Variants in SGSM1 observed in about 807,000 individuals in gnomAD.
SGSM1 encodes the protein RUN and TBC1 domain containing 2.
Under a neutral mutation model 133.8 loss-of-function variants are expected in SGSM1, and 73 were observed. That is an observed-to-expected ratio of 0.55 (90% confidence interval 0.45 to 0.66). SGSM1 has a LOEUF of 0.66. SGSM1 is among the 30% of genes least tolerant of loss of function. The pLI is 0.00. For synonymous variants in SGSM1, 563 were observed against 573.0 expected, an observed-to-expected ratio of 0.98 and a Z score of 0.25; for missense variants, 1,213 against 1,448.1, an observed-to-expected ratio of 0.84 and a Z score of 2.64.
intron 2 of SGSM1, among the ~76,000 whole-genome samples, chr22:24,842,588 A>G (rs148873367): frequency 5.9e-5 from 9 of 152,296 alleles, no homozygotes; most frequent in African/African-American, 1.9e-4. Flanking sequence ...GAAACACAGA[A>G]TGGTTGCCCT....
At position 24,927,184 on chromosome 22, in the gene SGSM1, CAG is replaced by C; in HGVS notation, c.*2912_*2913del. On this transcript the variant is annotated 3_prime_UTR_variant, in exon 25 of 25. Coordinates refer to ENST00000400358, the MANE Select transcript of SGSM1 (RefSeq NM_001098497.3). ...CATGTGTCTGTGGTCAGCTGATGTCCAGATAGGCAACTCTGCTTCTGATGGTT... is the reference window on the plus strand; with the variant it reads ...CATGTGTCTGTGGTCAGCTGATGTCCATAGGCAACTCTGCTTCTGATGGTT... The C allele has an allele frequency of 6.6e-6, 1 of 152,254 alleles. No individual in the cohort carries two copies. The highest frequency in any genetic ancestry group is 1.5e-5 in the Non-Finnish European group (1 of 68,022). The allele number at this position is 152,254 out of a possible 1,614,324, so 9.4% of individuals were successfully genotyped here.
intron 3 of SGSM1, 130 bp downstream of exon 3, chr22:24,845,102 G>C (rs1930022717): frequency 1.2e-6 from 1 of 801,030 alleles, no homozygotes; most frequent in African/African-American, 1.7e-5. Context: ...CTCGATTGGA[G>C]AATTTGAAAA....
rs190866830 is a variant in SGSM1 at position 24,914,627 on chromosome 22, T to C, written c.2928+1875T>C. The stretch of plus-strand genomic sequence containing the variant: ...TGCATTTTTAAAAATTCTTTTACAA[T>C]ATATGCATATATTCCTAAACAGCAT... On this transcript the variant is annotated intron_variant, in intron 22 of 24. Coordinates refer to ENST00000400358, the MANE Select transcript of SGSM1 (RefSeq NM_001098497.3). Among the ~76,000 whole-genome samples, 12 of 152,328 alleles carry C rather than the reference T, an allele frequency of 7.9e-5. No individual in the cohort carries two copies. In the East Asian group the frequency reaches 2.3e-3, roughly 29 times the overall value.
At chr22:24,887,106 T>TG (rs1601956506) in intron 16 of SGSM1, among the ~76,000 whole-genome samples, 11 of 134,108 alleles carry the variant, frequency 8.2e-5, no homozygotes, top group South Asian at 5.1e-4. Context: ...CTTGTACTTA[T>TG]TTGTGTGTGT....
rs1368173071 is a variant in SGSM1, at chr22:24,925,890, G to A, written c.*1616G>A. 1.3e-5 allele frequency: 2 copies of A among 152,212 alleles called. No individual in the cohort carries two copies. The highest frequency in any genetic ancestry group is 1.9e-4 in the East Asian group (1 of 5,182). The allele number at this position is 152,212 out of a possible 1,614,324, so 9.4% of individuals were successfully genotyped here. ...TCACCAATCCACAAACAGACCCGAA[G>A]TGAACTAGTTTACTCTGCCTACCTG... is the stretch of plus-strand genomic sequence containing the variant. On this transcript the variant is annotated 3_prime_UTR_variant, in exon 25 of 25. Coordinates refer to ENST00000400358, the MANE Select transcript of SGSM1 (RefSeq NM_001098497.3).
rs188512415 is a variant in SGSM1 at position 24,819,012 on chromosome 22, G to A, written c.63+12528G>A. Among the ~76,000 whole-genome samples the A allele has an allele frequency of 4.3e-3, 653 of 151,894 alleles. 1 individual carries two copies. The highest frequency in any genetic ancestry group is 0.014 in the Middle Eastern group (4 of 292). ...ATACAAAAAATTAGCTCGGTGTGGC[G>A]GTGTGTGCCTGTAGTCCCAGCTACT... On this transcript the variant is annotated intron_variant, in intron 2 of 24. Transcript: ENST00000400358.
intron 21 of SGSM1, among the ~76,000 whole-genome samples, chr22:24,910,238 T>TG (rs575323849): frequency 7.9e-5 from 12 of 151,984 alleles, no homozygotes; most frequent in South Asian, 4.2e-4. Flanking sequence ...ATTTTGGGGT[T>TG]GGGGGGGTAA....
At chr22:24,914,012 C>T (rs553892341) in intron 22 of SGSM1, among the ~76,000 whole-genome samples, 9 of 148,846 alleles carry the variant, frequency 6.0e-5, no homozygotes, top group Non-Finnish European at 1.0e-4. Flanking sequence ...AAAAATTGGC[C>T]GGGTGCAGTG....
intron 20 of SGSM1, among the ~76,000 whole-genome samples, chr22:24,904,472 C>T (rs984061433): frequency 5.3e-5 from 8 of 151,064 alleles, no homozygotes; most frequent in Non-Finnish European, 7.4e-5. Context: ...CCCAGCTACT[C>T]GGGAGGCTGA....
intron 9 of SGSM1, among the ~76,000 whole-genome samples, chr22:24,863,829 C>T (rs4378907): frequency 0.016 from 2,440 of 151,398 alleles, 61 homozygotes; most frequent in African/African-American, 0.055. Flanking sequence ...GCAACCTCCG[C>T]CTCCCAGGTT....
chr22:24,884,138 C>T lies in SGSM1; in HGVS notation c.1581C>T (p.Pro527=), dbSNP rs1402466572. 3 of 1,613,912 alleles carry T rather than the reference C, an allele frequency of 1.9e-6. No homozygotes were observed. In the Admixed American group the frequency reaches 5.0e-5, roughly 27 times the overall value. The change falls in exon 15 of 25, where the codon CCC becomes CCT. Residue 527 remains proline, a synonymous_variant. Coordinates refer to ENST00000400358, the MANE Select transcript of SGSM1 (RefSeq NM_001098497.3). ...ACATGATCGTGTCTCCAGACTTGCC[C>T]TGCGATGCTGGACAGGGACTGACAG... ...VNHMIVSPDL[P]CDAGQGLTAR... is the part of the protein sequence containing the mutation.
intron 22 of SGSM1, among the ~76,000 whole-genome samples, chr22:24,915,787 G>A (rs546415094): frequency 1.2e-4 from 19 of 152,210 alleles, no homozygotes; most frequent in African/African-American, 4.3e-4. Flanking sequence ...CAAATAGTAT[G>A]TCCTCTTCAT....
chr22:24,857,065 G>T (rs969353100), intron 8 of SGSM1, among the ~76,000 whole-genome samples: 13 of 151,694 alleles, frequency 8.6e-5, no homozygotes, highest in Non-Finnish European at 2.9e-5. Flanking sequence ...ACTGCACCCA[G>T]CTAAGATACA....
chr22:24,924,479 T>C lies in SGSM1; in HGVS notation c.*205T>C, dbSNP rs1934124373. On this transcript the variant is annotated 3_prime_UTR_variant, in exon 25 of 25. Transcript: ENST00000400358. ...GTACCCCTTCAATTCAGCCTTACAT[T>C]TTCCTGTTTGACCAAAGATTGCCCA... The C allele has an allele frequency of 3.6e-6, 2 of 553,666 alleles. No individual in the cohort carries two copies. Among genetic ancestry groups the C allele is most frequent in the Non-Finnish European group, 6.4e-6 (2 of 310,358 alleles). 34.3% of individuals were successfully genotyped at this position (553,666 alleles called of 1,614,324 possible).
chr22:24,858,500 G>C (rs1469452586), intron 8 of SGSM1, among the ~76,000 whole-genome samples: 2 of 152,058 alleles, frequency 1.3e-5, no homozygotes, highest in South Asian at 4.2e-4. Context: ...GCTAGGCATG[G>C]TGGCAGGTGC....
chr22:24,912,549 G>A, intron 21 of SGSM1, 94 bp from the exon 22 acceptor site: 1 of 805,680 alleles, frequency 1.2e-6, no homozygotes. Flanking sequence ...CAACATTGGA[G>A]GTCATATTTC....
intron 18 of SGSM1, among the ~76,000 whole-genome samples, chr22:24,897,509 G>C (rs1415657866): frequency 6.6e-6 from 1 of 152,198 alleles, no homozygotes; most frequent in African/African-American, 2.4e-5. Context: ...CCATCACCCA[G>C]GCTGGAGTGC....
In SGSM1 at chr22:24,907,933, A is replaced by AAAAAAAAAAAAG. The variant is rs60386136; in HGVS notation, c.2818+2748_2818+2749insAAAAAAAAAGAA. Among the ~76,000 whole-genome samples, 80 of 109,926 alleles carry AAAAAAAAAAAAG rather than the reference A, an allele frequency of 7.3e-4. 5 individuals carry two copies. The highest frequency in any genetic ancestry group is 8.6e-4 in the Non-Finnish European group (52 of 60,314). The allele number at this position is 109,926 out of a possible 152,430, so 72.1% of individuals were successfully genotyped here. On this transcript the variant is annotated intron_variant, in intron 21 of 24. Transcript: ENST00000400358. ...TCTCAAAAAAAAAAAAAAAAAAAAA[A>AAAAAAAAAAAAG]AAGATGTTGCAGGACTCACAGTACC...
rs1347117398 is a variant in SGSM1, at chr22:24,806,320, G to C, written c.-6G>C. The C allele has an allele frequency of 6.9e-7, 1 of 1,459,470 alleles. No individual in the cohort carries two copies. The highest frequency in any genetic ancestry group is 9.0e-7 in the Non-Finnish European group (1 of 1,108,980). The allele number at this position is 1,459,470 out of a possible 1,614,324, so 90.4% of individuals were successfully genotyped here. On this transcript the variant is annotated 5_prime_UTR_variant, in exon 1 of 25. Transcript: ENST00000400358. ...TCCTGGGACTCGGAACGCAGCGCTCGGAGCCATGGCCTCGGCCCCCGCGGG... is the reference window on the plus strand; with the variant it reads ...TCCTGGGACTCGGAACGCAGCGCTCCGAGCCATGGCCTCGGCCCCCGCGGG...
Sources: gnomAD v4.1 joint callset for allele counts (sites outside exome capture counted in the v4.1 genomes callset) on GRCh38, gnomAD v4.1.1 for gene constraint, MANE v1.5 for transcripts, NCBI Gene and HGNC (gene_info 2026-07-23, HGNC 2026-07-21) for gene names.